The following UAP1 variants were observed in gnomAD, a reference collection of about 807,000 sequenced individuals.
UAP1 encodes the protein UDP-N-acetylglucosamine pyrophosphorylase 1.
A neutral mutation model predicts 58.5 loss-of-function variants in UAP1; 25 were observed. The observed-to-expected ratio is 0.43, with a 90% CI of 0.31 to 0.60. The LOEUF is 0.60. Among genes scored for constraint, UAP1 ranks in the 20% least tolerant of loss-of-function variants. The pLI, the probability that UAP1 is intolerant of heterozygous loss-of-function variation, is 0.11. For missense variants in UAP1, 575 were observed against 630.0 expected (o/e 0.91, Z 0.93); for synonymous variants, 208 against 213.0 (o/e 0.98, Z 0.21).
intron 2 of UAP1, among the ~76,000 whole-genome samples, chr1:162,574,668 T>C (rs1054830760): frequency 6.6e-6 from 1 of 152,222 alleles, no homozygotes; most frequent in East Asian, 1.9e-4. Flanking sequence ...TTTAATTTTA[T>C]AGTTTTTCTA....
chr1:162,567,897 G>C (rs1653616288), intron 2 of UAP1, among the ~76,000 whole-genome samples: 1 of 152,046 alleles, frequency 6.6e-6, no homozygotes, highest in African/African-American at 2.4e-5. Context: ...TTAGGCTTAA[G>C]CAATACTCCT....
intron 7 of UAP1, 92 bp from the exon 8 acceptor site, chr1:162,590,231 A>T: frequency 1.0e-6 from 1 of 985,846 alleles, no homozygotes; most frequent in Non-Finnish European, 1.5e-6. Flanking sequence ...AGGAAAGCCT[A>T]TTGTTGAGAC....
intron 9 of UAP1, among the ~76,000 whole-genome samples, chr1:162,597,072 G>A (rs1655660893): frequency 6.6e-6 from 1 of 152,122 alleles, no homozygotes; most frequent in South Asian, 2.1e-4. Context: ...GAAACATATT[G>A]AATAAATTAG....
Position 162,564,067 on chromosome 1 carries a change from T to C in UAP1, c.-57-1945T>C, listed in dbSNP as rs540689412. ...ACATTCCTTGGAAAATAATTTAATA[T>C]AAATCTGTTCCTCTCAAGTGTCTTT... On this transcript the variant is annotated intron_variant, in intron 1 of 10. Transcript: ENST00000271469. Among the ~76,000 whole-genome samples, 12 of 152,336 alleles carry C rather than the reference T, an allele frequency of 7.9e-5. No individual in the cohort carries two copies. In the South Asian group the frequency reaches 2.5e-3, roughly 32 times the overall value.
At chr1:162,576,650 G>A (rs768786311) in intron 2 of UAP1, 127 bp from the exon 3 acceptor site, 130 of 840,214 alleles carry the variant, frequency 1.5e-4, no homozygotes, top group Non-Finnish European at 2.2e-4. Context: ...ATCAGCAAAT[G>A]GCCTCAGGAC....
exon 4 of UAP1, chr1:162,579,519 T>A: frequency 6.2e-7 from 1 of 1,611,872 alleles, no homozygotes; most frequent in Non-Finnish European, 8.5e-7. Flanking sequence ...GAATGTAATC[T>A]TTTTTCAGCA....
At chr1:162,585,945 G>T (rs1654883053) in intron 5 of UAP1, among the ~76,000 whole-genome samples, 1 of 152,160 alleles carries the variant, frequency 6.6e-6, no homozygotes, top group South Asian at 2.1e-4. Context: ...GCTGCATAAT[G>T]TTCCCCTTCA....
At chr1:162,593,411 A>G (rs1655438015) in intron 9 of UAP1, 1 of 152,234 alleles carries the variant, frequency 6.6e-6, no homozygotes, top group African/African-American at 2.4e-5. Context: ...CATTATCTTT[A>G]TAGTTTAAGA....
chr1:162,598,406 G>C (rs1162615470), intron 10 of UAP1, among the ~76,000 whole-genome samples: 1 of 152,138 alleles, frequency 6.6e-6, no homozygotes, highest in African/African-American at 2.4e-5. Flanking sequence ...TTATGGCTTT[G>C]CATCTATCCC....
chr1:162,571,593 A>G (rs536748569), intron 2 of UAP1, among the ~76,000 whole-genome samples: 1 of 152,326 alleles, frequency 6.6e-6, no homozygotes, highest in East Asian at 1.9e-4. Context: ...ATAGAAATTT[A>G]TAATTTCCTA....
At chr1:162,587,408 C>G (rs941071552) in intron 5 of UAP1, 67 bp from the exon 6 acceptor site, 50 of 1,427,126 alleles carry the variant, frequency 3.5e-5, no homozygotes, top group Admixed American at 1.0e-4. Context: ...TCATCTTTGA[C>G]AATGGCAAAT....
intron 2 of UAP1, among the ~76,000 whole-genome samples, chr1:162,575,226 G>A (rs1654100033): frequency 1.3e-5 from 2 of 151,944 alleles, no homozygotes; most frequent in African/African-American, 4.8e-5. Flanking sequence ...TTGCCACCGT[G>A]CCTGGCTAAT....
At chr1:162,585,318 C>T (rs1057326287) in intron 5 of UAP1, among the ~76,000 whole-genome samples, 3 of 151,698 alleles carry the variant, frequency 2.0e-5, no homozygotes, top group East Asian at 3.9e-4. Context: ...AGCGCAATGG[C>T]GCAATCTTGG....
rs562739205 is a variant in UAP1, at chr1:162,567,127, C to G, written c.280+779C>G. ...GGTCACCTTGTAAGGTCATTTCTTG[C>G]AGTTGTGCAGTGCAGTAGTTCTGCC... On this transcript the variant is annotated intron_variant, in intron 2 of 10. Transcript: ENST00000271469. Among the ~76,000 whole-genome samples, 25 of 152,316 alleles carry G rather than the reference C, an allele frequency of 1.6e-4. No individual in the cohort carries two copies. In the South Asian group the frequency reaches 4.1e-3, roughly 25 times the overall value.
chr1:162,563,268 G>A (rs1004949412), intron 1 of UAP1, among the ~76,000 whole-genome samples: 4 of 152,166 alleles, frequency 2.6e-5, no homozygotes, highest in African/African-American at 9.6e-5. Flanking sequence ...AAGTATGGTC[G>A]TTACATTATG....
At position 162,591,148 on chromosome 1, in the gene UAP1, A is replaced by G. The variant is rs558175658; in HGVS notation, c.1358+637A>G. Among the ~76,000 whole-genome samples, 162 of 152,198 alleles carry G rather than the reference A, an allele frequency of 1.1e-3. 1 individual carries two copies. Among genetic ancestry groups the G allele is most frequent in the African/African-American group, 3.6e-3 (150 of 41,530 alleles). ...CACTATGTTGACCAGAGTGCTCTCG[A>G]TCTCCTGACCTTGTGATCCACCCGC... On this transcript the variant is annotated intron_variant, in intron 8 of 10. Coordinates refer to ENST00000271469, the Ensembl canonical transcript of UAP1.
At chr1:162,588,667 A>G (rs1655064414) in intron 6 of UAP1, 26 bp from the exon 7 acceptor site, 10 of 1,589,570 alleles carry the variant, frequency 6.3e-6, no homozygotes, top group African/African-American at 1.4e-5. Context: ...GAACGTGATT[A>G]TATCTTTTCT....
At chr1:162,562,002 G>A (rs1158109411) in intron 1 of UAP1, among the ~76,000 whole-genome samples, 5 of 152,220 alleles carry the variant, frequency 3.3e-5, no homozygotes, top group East Asian at 1.9e-4. Context: ...CCGCCACCCC[G>A]CGAGAGGGTG....
chr1:162,597,949 A>G, intron 10 of UAP1, 91 bp downstream of exon 10: 1 of 1,188,396 alleles, frequency 8.4e-7, no homozygotes, highest in South Asian at 1.4e-5. Context: ...TTCTCACCAT[A>G]AAGAAAGGAT....
Sources: gnomAD v4.1 joint callset for allele counts (sites outside exome capture counted in the v4.1 genomes callset) on GRCh38, gnomAD v4.1.1 for gene constraint, MANE v1.5 for transcripts, NCBI Gene and HGNC (gene_info 2026-07-23, HGNC 2026-07-21) for gene names.